HHAT: variants seen among roughly 807,000 people sequenced by gnomAD.
HHAT encodes the protein hedgehog acyltransferase.
In HHAT, 47 loss-of-function variants were observed where a neutral mutation model predicts 70.8. That is an observed-to-expected ratio of 0.66 (90% CI 0.53 to 0.85). The LOEUF is 0.85. HHAT is among the 40% of genes least tolerant of loss of function. HHAT has a pLI of 0.00. For missense variants in HHAT, 609 were observed against 604.8 expected, an observed-to-expected ratio of 1.01 and a Z score of -0.07; for synonymous variants, 228 against 247.6, an observed-to-expected ratio of 0.92 and a Z score of 0.74.
At position 210,393,536 on chromosome 1, in the gene HHAT, C is replaced by T. The variant is rs74156147; in HGVS notation, c.273+5955C>T. 3.2e-3 allele frequency among the ~76,000 whole-genome samples: 460 copies of T among 145,208 alleles called. 2 individuals are homozygous for T. The highest frequency in any genetic ancestry group is 0.011 in the African/African-American group (443 of 39,338). On this transcript the variant is annotated intron_variant, in intron 4 of 11. Coordinates refer to ENST00000261458, the MANE Select transcript of HHAT (RefSeq NM_018194.6). ...CTATGGGAGAAGGTGTAGGTCTCAC[C>T]TGCCGTTCTGGTCTCAGAGCAGGCC...
intron 11 of HHAT, among the ~76,000 whole-genome samples, chr1:210,645,618 G>A (rs77557709): frequency 0.025 from 3,772 of 152,302 alleles, 64 homozygotes; most frequent in African/African-American, 0.031. Flanking sequence ...AGCAATTAAC[G>A]TGGTTGGGTT....
At chr1:210,479,791 A>G (rs998117465) in intron 8 of HHAT, among the ~76,000 whole-genome samples, 1 of 152,236 alleles carries the variant, frequency 6.6e-6, no homozygotes, top group Non-Finnish European at 1.5e-5. Context: ...TCACTTTGAC[A>G]TAAAGTTGTT....
chr1:210,452,802 A>G (rs2093781083), intron 7 of HHAT, among the ~76,000 whole-genome samples: 1 of 152,190 alleles, frequency 6.6e-6, no homozygotes, highest in Non-Finnish European at 1.5e-5. Context: ...TTTATGGGAG[A>G]AAAGAGAGCT....
chr1:210,565,858 G>A (rs971962710), intron 9 of HHAT, among the ~76,000 whole-genome samples: 6 of 152,308 alleles, frequency 3.9e-5, no homozygotes, highest in South Asian at 2.1e-4. Context: ...TCTCCTGGCC[G>A]CTAAGAGCGT....
At chr1:210,670,364 T>C (rs1035339996) in intron 11 of HHAT, among the ~76,000 whole-genome samples, 23 of 152,100 alleles carry the variant, frequency 1.5e-4, no homozygotes, top group African/African-American at 5.6e-4. Flanking sequence ...GCTTGTGAAG[T>C]AGTTGGCTGA....
At chr1:210,465,886 TG>T (rs2094090911) in intron 8 of HHAT, among the ~76,000 whole-genome samples, 1 of 151,614 alleles carries the variant, frequency 6.6e-6, no homozygotes, top group South Asian at 2.1e-4. Flanking sequence ...TGCAAGGAAT[TG>T]CAAGGAATGA....
chr1:210,525,546 TACC>T (rs1162354423), intron 9 of HHAT, among the ~76,000 whole-genome samples: 1 of 152,222 alleles, frequency 6.6e-6, no homozygotes, highest in Non-Finnish European at 1.5e-5. Context: ...ATCTTGCTGT[TACC>T]ACTTTTGAGG....
rs140435728 is a variant in HHAT at position 210,553,524 on chromosome 1, G to A, written c.1044-34374G>A. On this transcript the variant is annotated intron_variant, in intron 9 of 11. Transcript: ENST00000261458. ...AGAGTAATAAGACCTAAATTTACCC[G>A]TCTGGGTATCGGAGTTACAGTTCAC... Among the ~76,000 whole-genome samples the A allele has an allele frequency of 3.2e-3, 484 of 152,292 alleles. 5 individuals carry two copies. Among genetic ancestry groups the A allele is most frequent in the South Asian group, 0.011 (53 of 4,824 alleles).
intron 7 of HHAT, among the ~76,000 whole-genome samples, chr1:210,445,028 C>G (rs549055541): frequency 6.6e-6 from 1 of 151,906 alleles, no homozygotes; most frequent in Non-Finnish European, 1.5e-5. Flanking sequence ...TTAGTAGAGA[C>G]GGGGTTTCAC....
intron 11 of HHAT, among the ~76,000 whole-genome samples, chr1:210,627,766 T>C (rs1009516052): frequency 4.6e-5 from 7 of 152,194 alleles, no homozygotes; most frequent in African/African-American, 1.4e-4. Flanking sequence ...TTTTTAATAT[T>C]GAAGTTTACT....
chr1:210,500,107 G>T (rs2094725063), intron 8 of HHAT, among the ~76,000 whole-genome samples: 1 of 152,178 alleles, frequency 6.6e-6, no homozygotes, highest in Non-Finnish European at 1.5e-5. Context: ...GTTGGGTTTG[G>T]GTTACCAACA....
intron 8 of HHAT, among the ~76,000 whole-genome samples, chr1:210,501,852 A>T (rs139977180): frequency 6.6e-6 from 1 of 152,224 alleles, no homozygotes; most frequent in East Asian, 1.9e-4. Context: ...GCCTTGCTTC[A>T]TCCGAGACCT....
chr1:210,579,345 G>A (rs1428315252), intron 9 of HHAT, among the ~76,000 whole-genome samples: 4 of 151,668 alleles, frequency 2.6e-5, no homozygotes, highest in African/African-American at 7.3e-5. Flanking sequence ...GCCAGGTGCC[G>A]GGGGTGAGAG....
intron 7 of HHAT, among the ~76,000 whole-genome samples, chr1:210,442,320 T>G (rs1266170473): frequency 7.3e-6 from 1 of 137,418 alleles, no homozygotes; most frequent in East Asian, 2.1e-4. Flanking sequence ...TACGTGTGCA[T>G]GTGTCTTTAT....
At chr1:210,394,987 A>T (rs1484121928) in intron 4 of HHAT, among the ~76,000 whole-genome samples, 2 of 150,596 alleles carry the variant, frequency 1.3e-5, no homozygotes, top group Non-Finnish European at 3.0e-5. Flanking sequence ...TGGGGAGATT[A>T]TATATACATA....
intron 4 of HHAT, 22 bp downstream of exon 4, chr1:210,387,603 C>G: frequency 6.4e-7 from 1 of 1,568,134 alleles, no homozygotes; most frequent in Non-Finnish European, 8.8e-7. Flanking sequence ...TGTGTTGTTA[C>G]CTTTTAAGTG....
chr1:210,519,331 TC>T (rs2095112883), intron 9 of HHAT, among the ~76,000 whole-genome samples: 2 of 152,168 alleles, frequency 1.3e-5, no homozygotes, highest in Admixed American at 1.3e-4. Flanking sequence ...AGATATTTCT[TC>T]AATATACTGA....
chr1:210,394,413 G>C (rs1487767387), intron 4 of HHAT, among the ~76,000 whole-genome samples: 1 of 152,070 alleles, frequency 6.6e-6, no homozygotes, highest in Admixed American at 6.5e-5. Flanking sequence ...TTTCAGCTTT[G>C]GCTGTGCATT....
intron 11 of HHAT, among the ~76,000 whole-genome samples, chr1:210,638,003 T>A (rs1332372313): frequency 6.6e-6 from 1 of 152,192 alleles, no homozygotes; most frequent in Non-Finnish European, 1.5e-5. Context: ...AGATACTACT[T>A]CACAGCTACT....
Sources: allele counts gnomAD v4.1 joint callset (sites outside exome capture counted in the v4.1 genomes callset), GRCh38; gene constraint gnomAD v4.1.1; transcripts MANE v1.5; gene names NCBI Gene and HGNC (gene_info 2026-07-23, HGNC 2026-07-21).